The following SUPT3H variants were observed in gnomAD, a reference collection of about 807,000 sequenced individuals.
The protein encoded by SUPT3H is transcription initiation protein SPT3 homolog.
In SUPT3H, 44 loss-of-function variants were observed where a neutral mutation model predicts 44.3. That is an observed-to-expected ratio of 0.99 (90% CI 0.78 to 1.28). The LOEUF is 1.28. Among genes scored for constraint, SUPT3H ranks in the 50% most tolerant of loss-of-function variants. SUPT3H has a pLI of 0.00. For missense variants in SUPT3H, 380 were observed against 387.1 expected (o/e 0.98, Z 0.15); for synonymous variants, 124 against 125.6 (o/e 0.99, Z 0.09).
intron 10 of SUPT3H, among the ~76,000 whole-genome samples, chr6:44,838,675 G>A (rs1770382016): frequency 6.6e-6 from 1 of 152,172 alleles, no homozygotes; most frequent in African/African-American, 2.4e-5. Flanking sequence ...TCAGGTCCGA[G>A]ATACTCATAA....
chr6:44,820,468 G>A (rs77146517), intron 11 of SUPT3H, among the ~76,000 whole-genome samples: 1,993 of 152,294 alleles, frequency 0.013, 53 homozygotes, highest in African/African-American at 0.046. Context: ...GACGAGCCAG[G>A]ACAGAAGTGA....
chr6:44,976,802 G>T (rs530136509), intron 6 of SUPT3H, among the ~76,000 whole-genome samples: 1 of 152,164 alleles, frequency 6.6e-6, no homozygotes, highest in Non-Finnish European at 1.5e-5. Flanking sequence ...CTTGAAGAAG[G>T]CTTGGCTATA....
At chr6:44,958,475 G>A (rs10948188) in intron 7 of SUPT3H, among the ~76,000 whole-genome samples, 68,909 of 151,834 alleles carry the variant, frequency 0.45, 16,165 homozygotes, top group Admixed American at 0.55. Flanking sequence ...TTCTTCAGAG[G>A]GCATGGTTTT....
chr6:44,909,488 C>A (rs1766673472), intron 10 of SUPT3H, among the ~76,000 whole-genome samples: 1 of 152,188 alleles, frequency 6.6e-6, no homozygotes, highest in Non-Finnish European at 1.5e-5. Context: ...AGTGCTACAT[C>A]TTTAAGCTCA....
rs558649776 is a variant in SUPT3H at position 45,177,568 on chromosome 6, A to C, written c.102-71562T>G. 7.9e-5 allele frequency among the ~76,000 whole-genome samples: 12 copies of C among 151,908 alleles called. No homozygotes were observed. In the East Asian group the frequency reaches 2.1e-3, roughly 27 times the overall value. On this transcript the variant is annotated intron_variant, in intron 2 of 10. Transcript: ENST00000371459. Reference sequence around the variant, plus strand: ...CATTCAGATTCAGGAAATACACAGAACACCACAAAGATACTCCTCGAGAAG... The same window carrying C: ...CATTCAGATTCAGGAAATACACAGACCACCACAAAGATACTCCTCGAGAAG...
chr6:44,961,204 T>A (rs955028838), intron 7 of SUPT3H, among the ~76,000 whole-genome samples: 11 of 152,188 alleles, frequency 7.2e-5, no homozygotes. Context: ...AGTACTAATT[T>A]TACCACGAGG....
At chr6:45,161,611 T>C (rs565530019) in intron 2 of SUPT3H, among the ~76,000 whole-genome samples, 1 of 152,306 alleles carries the variant, frequency 6.6e-6, no homozygotes, top group South Asian at 2.1e-4. Context: ...TCAGAGCTCC[T>C]TGAAGGCATG....
intron 6 of SUPT3H, among the ~76,000 whole-genome samples, chr6:44,986,762 G>C (rs1255981819): frequency 6.6e-6 from 1 of 151,792 alleles, no homozygotes; most frequent in Non-Finnish European, 1.5e-5. Context: ...CTCTGTTCAG[G>C]GTACCGGAGA....
chr6:45,223,033 G>A (rs181296395), intron 2 of SUPT3H, among the ~76,000 whole-genome samples: 224 of 152,148 alleles, frequency 1.5e-3, no homozygotes, highest in African/African-American at 5.1e-3. Flanking sequence ...CATGGGATAG[G>A]GAAAGAGGTA....
At chr6:44,845,281 C>T (rs1388956419) in intron 10 of SUPT3H, among the ~76,000 whole-genome samples, 1 of 152,168 alleles carries the variant, frequency 6.6e-6, no homozygotes, top group Non-Finnish European at 1.5e-5. Context: ...TCTCCTGGGA[C>T]TCACAGGAGT....
chr6:44,972,063 T>C (rs1368086204), intron 6 of SUPT3H, among the ~76,000 whole-genome samples: 2 of 151,640 alleles, frequency 1.3e-5, no homozygotes, highest in Non-Finnish European at 1.5e-5. Context: ...CATGAGCCAC[T>C]GCGCCCAGCC....
At chr6:45,180,599 G>C (rs1479894015) in intron 2 of SUPT3H, among the ~76,000 whole-genome samples, 2 of 151,518 alleles carry the variant, frequency 1.3e-5, no homozygotes, top group African/African-American at 4.9e-5. Flanking sequence ...ACAAACCTGA[G>C]AAAAACAAGC....
At chr6:45,239,025 T>A (rs973820514) in intron 2 of SUPT3H, among the ~76,000 whole-genome samples, 1 of 152,228 alleles carries the variant, frequency 6.6e-6, no homozygotes, top group Non-Finnish European at 1.5e-5. Context: ...CTTCTTATTC[T>A]GGATCGAAAG....
intron 6 of SUPT3H, among the ~76,000 whole-genome samples, chr6:44,969,461 ATCT>A (rs771294992): frequency 3.4e-4 from 51 of 152,156 alleles, no homozygotes; most frequent in Admixed American, 1.3e-4. Flanking sequence ...AAGTAAAGAA[ATCT>A]TCTTTCCTCT....
chr6:45,144,346 C>T (rs1345629482), intron 2 of SUPT3H, among the ~76,000 whole-genome samples: 6 of 151,562 alleles, frequency 4.0e-5, no homozygotes, highest in Non-Finnish European at 5.9e-5. Flanking sequence ...TAATATATCA[C>T]GATCAAGTGG....
At chr6:44,991,053 G>A (rs1169749085) in intron 6 of SUPT3H, among the ~76,000 whole-genome samples, 3 of 151,970 alleles carry the variant, frequency 2.0e-5, no homozygotes, top group South Asian at 2.1e-4. Context: ...CATTAGTCAT[G>A]ACTGTCTTCT....
intron 3 of SUPT3H, among the ~76,000 whole-genome samples, chr6:45,059,712 T>C (rs1205344107): frequency 6.6e-6 from 1 of 152,136 alleles, no homozygotes; most frequent in Non-Finnish European, 1.5e-5. Flanking sequence ...CAAAAGCTTC[T>C]TAAACTGATA....
intron 2 of SUPT3H, among the ~76,000 whole-genome samples, chr6:45,285,283 G>A (rs1356837445): frequency 6.6e-6 from 1 of 152,000 alleles, no homozygotes; most frequent in Non-Finnish European, 1.5e-5. Context: ...TATTCAATTA[G>A]GAAAAGAGGA....
At chr6:45,143,586 A>G (rs1805581629) in intron 2 of SUPT3H, among the ~76,000 whole-genome samples, 1 of 152,158 alleles carries the variant, frequency 6.6e-6, no homozygotes, top group African/African-American at 2.4e-5. Flanking sequence ...TTAAATGCCT[A>G]CATCAAATAG....
Sources: allele counts gnomAD v4.1 joint callset (sites outside exome capture counted in the v4.1 genomes callset), GRCh38; gene constraint gnomAD v4.1.1; transcripts MANE v1.5; gene names NCBI Gene and HGNC (gene_info 2026-07-23, HGNC 2026-07-21).